Variants in KIAA1549L observed in about 807,000 individuals in gnomAD.
KIAA1549L encodes UPF0606 protein KIAA1549L.
Under a neutral mutation model 160.7 loss-of-function variants are expected in KIAA1549L, and 88 were observed. The observed-to-expected ratio is 0.55, with a 90% CI of 0.46 to 0.65. The LOEUF (loss-of-function observed/expected upper bound fraction) is 0.65, where lower values mean the gene tolerates loss of function less well. Among genes scored for constraint, KIAA1549L ranks in the 30% least tolerant of loss-of-function variants. The pLI, the probability that KIAA1549L is intolerant of heterozygous loss-of-function variation, is 0.00. For synonymous variants in KIAA1549L, 950 were observed against 976.7 expected (o/e 0.97, Z 0.51); for missense variants, 2,258 against 2,437.5 (o/e 0.93, Z 1.55).
chr11:33,580,716 G>C (rs1855612645), intron 10 of KIAA1549L, among the ~76,000 whole-genome samples: 2 of 152,120 alleles, frequency 1.3e-5, no homozygotes, highest in Admixed American at 1.3e-4. Context: ...GCACTGCTCT[G>C]GGCACTGGAG....
chr11:33,531,182 G>T (rs1444296996), intron 1 of KIAA1549L, among the ~76,000 whole-genome samples: 3 of 152,160 alleles, frequency 2.0e-5, no homozygotes, highest in African/African-American at 7.2e-5. Flanking sequence ...TTAAAATGGG[G>T]AGGCAGAGAG....
chr11:33,562,311 G>A (rs1025608646), intron 8 of KIAA1549L, among the ~76,000 whole-genome samples: 2 of 152,128 alleles, frequency 1.3e-5, no homozygotes, highest in African/African-American at 2.4e-5. Context: ...CAGTAGTTTC[G>A]GGATTGAGAG....
At position 33,660,800 on chromosome 11, in the gene KIAA1549L, T is replaced by A. The variant is rs1374285463; in HGVS notation, c.6008-63T>A. On this transcript the variant is annotated intron_variant, in intron 19 of 20. Coordinates refer to ENST00000658780, the MANE Select transcript of KIAA1549L (RefSeq NM_012194.3). ...AATGAAACTGACTTTATTTGGCTCT[T>A]GGGTGGCTGGATCCCTCAGACCAGC... is the stretch of plus-strand genomic sequence containing the variant. The A allele has an allele frequency of 1.9e-6, 3 of 1,539,320 alleles. No individual in the cohort carries two copies. The African/African-American group carries it at 4.1e-5, about 21-fold the overall frequency.
intron 1 of KIAA1549L, among the ~76,000 whole-genome samples, chr11:33,537,122 C>T (rs1853912463): frequency 6.6e-6 from 1 of 152,240 alleles, no homozygotes; most frequent in Admixed American, 6.5e-5. Context: ...CGTGATGCCT[C>T]TTCCTGCCAT....
chr11:33,524,675 T>C (rs142450641), intron 1 of KIAA1549L, among the ~76,000 whole-genome samples: 59 of 152,318 alleles, frequency 3.9e-4, no homozygotes, highest in African/African-American at 1.4e-3. Context: ...AAAAAATATG[T>C]ATAAAGGGTA....
rs556282402 is a variant in KIAA1549L at position 33,441,919 on chromosome 11, A to G, written c.238+65030A>G. ...TCTTTTGCTGTGCAGAAGCTCTTTA[A>G]TTTAATTAGATCCCGTTTGTCAATT... On this transcript the variant is annotated intron_variant, in intron 1 of 20. Transcript: ENST00000658780. 6.8e-3 allele frequency among the ~76,000 whole-genome samples: 1,031 copies of G among 152,096 alleles called. 9 individuals are homozygous for G. Among genetic ancestry groups the G allele is most frequent in the African/African-American group, 0.024 (989 of 41,458 alleles).
At position 33,583,783 on chromosome 11, in the gene KIAA1549L, G is replaced by A. The variant is rs188960903; in HGVS notation, c.4566+282G>A. On this transcript the variant is annotated intron_variant, in intron 11 of 20. Coordinates refer to ENST00000658780, the MANE Select transcript of KIAA1549L (RefSeq NM_012194.3). ...CTATTATTTTACAGATGAGGAAACC[G>A]AGGCATAGAAAACTACAAGCTAAAG... is the stretch of plus-strand genomic sequence containing the variant. 1.4e-3 allele frequency among the ~76,000 whole-genome samples: 207 copies of A among 152,278 alleles called. 3 individuals carry two copies. The highest frequency in any genetic ancestry group is 4.0e-3 in the East Asian group (21 of 5,186).
chr11:33,489,684 C>T (rs1471921025), intron 1 of KIAA1549L, among the ~76,000 whole-genome samples: 4 of 152,106 alleles, frequency 2.6e-5, no homozygotes, highest in South Asian at 2.1e-4. Context: ...AAAGGAATGG[C>T]GGGTCACACA....
intron 1 of KIAA1549L, among the ~76,000 whole-genome samples, chr11:33,520,680 C>T (rs1165282517): frequency 3.6e-5 from 5 of 137,850 alleles, no homozygotes; most frequent in Non-Finnish European, 7.6e-5. Context: ...CACCCCCCAC[C>T]CCCAACACAC....
At chr11:33,517,934 G>A (rs899771157) in intron 1 of KIAA1549L, among the ~76,000 whole-genome samples, 3 of 151,876 alleles carry the variant, frequency 2.0e-5, no homozygotes, top group Non-Finnish European at 2.9e-5. Context: ...GAGGCCAGGA[G>A]TTCAAGACCA....
intron 7 of KIAA1549L, among the ~76,000 whole-genome samples, chr11:33,560,815 C>T (rs1011764292): frequency 6.6e-6 from 1 of 152,152 alleles, no homozygotes; most frequent in Non-Finnish European, 1.5e-5. Context: ...ATGTACTTAG[C>T]ACATGGCAGC....
chr11:33,547,859 C>T lies in KIAA1549L; in HGVS notation c.3481C>T (p.Gln1161Ter). The change falls in exon 4 of 21, where the codon CAG becomes TAG. Residue 1161 changes from glutamine to a stop codon, truncating the protein, a stop_gained. Coordinates refer to ENST00000658780, the MANE Select transcript of KIAA1549L (RefSeq NM_012194.3). LOFTEE classifies it high-confidence loss of function. ...LTQALRKAFH[Q>*]NDVSAHVDIL... is the part of the protein sequence containing the mutation. The stretch of plus-strand genomic sequence containing the variant: ...ACAGGCATTGCGGAAGGCTTTCCAC[C>T]AGAACGATGTCTCAGCTCACGTAAG... 1 of 1,612,260 alleles carries T rather than the reference C, an allele frequency of 6.2e-7. No individual in the cohort carries two copies. Among genetic ancestry groups the T allele is most frequent in the Non-Finnish European group, 8.5e-7 (1 of 1,178,636 alleles).
chr11:33,386,130 G>A (rs1279158859), intron 1 of KIAA1549L, among the ~76,000 whole-genome samples: 1 of 152,122 alleles, frequency 6.6e-6, no homozygotes, highest in Non-Finnish European at 1.5e-5. Flanking sequence ...ATAGAAATAG[G>A]GAGAGTGGAC....
rs1314933421 is a variant in KIAA1549L, at chr11:33,668,093, T to C, written c.6380T>C (p.Ile2127Thr). The C allele has an allele frequency of 6.2e-7, 1 of 1,614,004 alleles. No homozygotes were observed. The change falls in exon 21 of 21, where the codon ATC becomes ACC. Residue 2127 changes from isoleucine (I) to threonine (T), a missense_variant. Physicochemically the swap from Ile to Thr is moderately conservative, Grantham distance 89. Coordinates refer to ENST00000658780, the MANE Select transcript of KIAA1549L (RefSeq NM_012194.3). ...TCCACTGCGGCCCTTGTGAAGGCCATCCGGGAGGAGGTGGCCAAGCTGGCC... is the reference window on the plus strand; with the variant it reads ...TCCACTGCGGCCCTTGTGAAGGCCACCCGGGAGGAGGTGGCCAAGCTGGCC... The part of the protein sequence containing the change: ...NISTAALVKA[I>T]REEVAKLAKK...
intron 1 of KIAA1549L, among the ~76,000 whole-genome samples, chr11:33,472,275 CTTTTTTTTTT>C (rs76771436): frequency 9.7e-6 from 1 of 102,782 alleles, no homozygotes; most frequent in African/African-American, 3.8e-5. Flanking sequence ...TCATGCCTGG[CTTTTTTTTTT>C]TTTTTTTTTT....
intron 12 of KIAA1549L, 97 bp downstream of exon 12, chr11:33,591,518 T>G: frequency 1.0e-6 from 1 of 971,018 alleles, no homozygotes; most frequent in Non-Finnish European, 1.5e-6. Flanking sequence ...CGGTTCTCTT[T>G]AAAAATTCCC....
At position 33,568,119 on chromosome 11, in the gene KIAA1549L, G is replaced by C. The variant is rs776320585; in HGVS notation, c.4122G>C (p.Gln1374His). The C allele has an allele frequency of 6.2e-7, 1 of 1,612,964 alleles. No homozygotes were observed. Among genetic ancestry groups the C allele is most frequent in the South Asian group, 1.1e-5 (1 of 90,748 alleles). Residue 1374 changes from glutamine (Q) to histidine (H), a missense_variant, in exon 9 of 21, where the codon CAG (glutamine) becomes CAC (histidine). Coordinates refer to ENST00000658780, the MANE Select transcript of KIAA1549L (RefSeq NM_012194.3). ...ATTCGCTGGTGGGCCTGCACAACCA[G>C]AGCTTTGCCCGGGTCATGGAGCAGC... ...VDNSLVGLHN[Q>H]SFARVMEQRL...
intron 15 of KIAA1549L, among the ~76,000 whole-genome samples, chr11:33,615,370 C>A (rs553337919): frequency 1.3e-5 from 2 of 152,084 alleles, no homozygotes; most frequent in South Asian, 4.2e-4. Flanking sequence ...TCATCATTAC[C>A]CACCCAGCAG....
intron 1 of KIAA1549L, among the ~76,000 whole-genome samples, chr11:33,522,825 G>C (rs181512948): frequency 6.6e-6 from 1 of 152,030 alleles, no homozygotes; most frequent in Non-Finnish European, 1.5e-5. Flanking sequence ...CTTGGTCCTA[G>C]GAGTTCAAGG....
Sources: allele counts gnomAD v4.1 joint callset (sites outside exome capture counted in the v4.1 genomes callset), GRCh38; gene constraint gnomAD v4.1.1; transcripts MANE v1.5; gene names NCBI Gene and HGNC (gene_info 2026-07-23, HGNC 2026-07-21).